BPIFB6: variants seen among roughly 807,000 people sequenced by gnomAD.
The protein encoded by BPIFB6 is BPI fold-containing family B member 6.
BPIFB6 carries 47 observed loss-of-function variants against 54.7 expected under a neutral mutation model. The observed-to-expected ratio is 0.86, with a 90% confidence interval of 0.68 to 1.10. The LOEUF is 1.10. Among genes scored for constraint, BPIFB6 ranks in the 50% least tolerant of loss-of-function variants. The pLI is 0.00. For missense variants in BPIFB6, 603 were observed against 564.1 expected (o/e 1.07, Z -0.70); for synonymous variants, 255 against 225.9 (o/e 1.13, Z -1.16).
chr20:33,039,582 A>T, intron 10 of BPIFB6, 62 bp downstream of exon 10: 1 of 1,524,730 alleles, frequency 6.6e-7, no homozygotes, highest in Non-Finnish European at 8.8e-7. Flanking sequence ...GGGCTGGAGG[A>T]TGGGATTTTT....
intron 3 of BPIFB6, 76 bp from the exon 4 acceptor site, chr20:33,034,687 T>G: frequency 6.7e-7 from 1 of 1,496,310 alleles, no homozygotes. Flanking sequence ...CTGCTCAGAT[T>G]GTGAGCAAAG....
At chr20:33,043,185 C>A in intron 13 of BPIFB6, 106 bp from the exon 14 acceptor site, 1 of 986,734 alleles carries the variant, frequency 1.0e-6, no homozygotes, top group South Asian at 1.3e-5. Context: ...TGGCAGGCAT[C>A]ATGAATCAAT....
intron 11 of BPIFB6, 126 bp from the exon 12 acceptor site, chr20:33,041,844 T>A: frequency 2.6e-6 from 2 of 777,588 alleles, no homozygotes; most frequent in Non-Finnish European, 4.3e-6. Context: ...GTCTGAAGGC[T>A]GTAGAGGGGA....
At chr20:33,034,068 G>T (rs1979218016) in intron 2 of BPIFB6, 118 bp from the exon 3 acceptor site, 2 of 753,264 alleles carry the variant, frequency 2.7e-6, no homozygotes, top group Admixed American at 1.8e-5. Flanking sequence ...TTACCCCCAT[G>T]ACATGGGATA....
intron 6 of BPIFB6, 47 bp from the exon 7 acceptor site, chr20:33,036,398 G>A: frequency 6.5e-7 from 1 of 1,536,816 alleles, no homozygotes. Flanking sequence ...TCTCTGGGCT[G>A]TTCCTGGGGT....
intron 8 of BPIFB6, 132 bp from the exon 9 acceptor site, chr20:33,038,777 G>C (rs1036872803): frequency 1.8e-5 from 16 of 873,066 alleles, no homozygotes; most frequent in Non-Finnish European, 3.1e-5. Context: ...ACAATATTTA[G>C]TTAAACTCAG....
At chr20:33,031,969 G>A (rs1979121458) in intron 1 of BPIFB6, among the ~76,000 whole-genome samples, 2 of 152,164 alleles carry the variant, frequency 1.3e-5, no homozygotes, top group African/African-American at 4.8e-5. Context: ...AGGCAGAGCT[G>A]AAAATCCTGC....
rs1290712238 is a variant in BPIFB6, at chr20:33,033,355, C to G, written c.197+272C>G. On this transcript the variant is annotated intron_variant, in intron 2 of 14. Transcript: ENST00000349552. Reference sequence around the variant, plus strand: ...GAGGTTGGAAAGTCAAATTTCAACTCTGCATGCAACATGAACTCATTGAAT... The same window carrying G: ...GAGGTTGGAAAGTCAAATTTCAACTGTGCATGCAACATGAACTCATTGAAT... The G allele has an allele frequency of 5.5e-6, 3 of 547,466 alleles. No individual in the cohort carries two copies. The Admixed American group carries it at 6.7e-5, about 12-fold the overall frequency. 33.9% of individuals were successfully genotyped at this position (547,466 alleles called of 1,614,324 possible).
intron 7 of BPIFB6, 117 bp from the exon 8 acceptor site, chr20:33,037,445 T>C: frequency 9.9e-7 from 1 of 1,008,748 alleles, no homozygotes; most frequent in Non-Finnish European, 1.4e-6. Flanking sequence ...TTAATAAGAT[T>C]TAATGATTTG....
rs1979277711 is a variant in BPIFB6 at position 33,035,066 on chromosome 20, C to G, written c.453-15C>G. ...TGCACCTGCCCACCTATCCTCGGTG[C>G]CTGTGTCCATCTAGCATGCTCCCCA... On this transcript the variant is annotated splice_polypyrimidine_tract_variant and intron_variant, in intron 4 of 14. Coordinates refer to ENST00000349552, the MANE Select transcript of BPIFB6 (RefSeq NM_174897.2). 6.2e-7 allele frequency: 1 copy of G among 1,613,708 alleles called. No individual in the cohort carries two copies. The highest frequency in any genetic ancestry group is 1.3e-5 in the African/African-American group (1 of 74,842).
At position 33,037,841 on chromosome 20, in the gene BPIFB6, C is replaced by A. The variant is rs1197962013; in HGVS notation, c.846+103C>A. Reference sequence around the variant, plus strand: ...AATTATCCTGGCCTTGTGGGCAACACTAGGACTGGAAGATGCAGGACCGAT... The same window carrying A: ...AATTATCCTGGCCTTGTGGGCAACAATAGGACTGGAAGATGCAGGACCGAT... On this transcript the variant is annotated intron_variant, in intron 8 of 14. Transcript: ENST00000349552. The A allele has an allele frequency of 3.1e-6, 4 of 1,307,302 alleles. No homozygotes were observed. The African/African-American group carries it at 4.4e-5, about 14-fold the overall frequency. 81.0% of individuals were successfully genotyped at this position (1,307,302 alleles called of 1,614,324 possible).
intron 6 of BPIFB6, among the ~76,000 whole-genome samples, chr20:33,035,990 G>A (rs955548964): frequency 1.3e-5 from 2 of 152,080 alleles, no homozygotes; most frequent in East Asian, 1.9e-4. Context: ...TGCCTGAATC[G>A]CCTTTGCTGA....
In BPIFB6 at chr20:33,041,236, G is replaced by T. The variant is rs938997887; in HGVS notation, c.1143-734G>T. ...GATTTTCTGACCTCATGATCCACCCGCCTCGGCCTCCCAAAGTGCTGGGAT... is the reference window on the plus strand; with the variant it reads ...GATTTTCTGACCTCATGATCCACCCTCCTCGGCCTCCCAAAGTGCTGGGAT... On this transcript the variant is annotated intron_variant, in intron 11 of 14. Coordinates refer to ENST00000349552, the MANE Select transcript of BPIFB6 (RefSeq NM_174897.2). Among the ~76,000 whole-genome samples, 2 of 151,994 alleles carry T rather than the reference G, an allele frequency of 1.3e-5. 1 individual carries two copies. The highest frequency in any genetic ancestry group is 3.9e-4 in the East Asian group (2 of 5,156).
intron 14 of BPIFB6, 75 bp from the exon 15 acceptor site, chr20:33,043,940 G>A: frequency 6.4e-7 from 1 of 1,556,864 alleles, no homozygotes; most frequent in Non-Finnish European, 8.9e-7. Context: ...TCCTGACAAG[G>A]GGCCCAGTTC....
chr20:33,036,378 G>A, intron 6 of BPIFB6, 67 bp from the exon 7 acceptor site: 5 of 1,361,844 alleles, frequency 3.7e-6, no homozygotes, highest in Non-Finnish European at 5.1e-6. Context: ...GCAGCTGGCT[G>A]GTGCCAGCTT....
At chr20:33,035,754 G>C (rs1478036315) in intron 6 of BPIFB6, 82 bp downstream of exon 6, 2 of 1,419,602 alleles carry the variant, frequency 1.4e-6, no homozygotes, top group African/African-American at 2.8e-5. Flanking sequence ...CCCCATCCTA[G>C]TGCCTGCTTC....
At chr20:33,040,050 T>C (rs1979511958) in intron 10 of BPIFB6, among the ~76,000 whole-genome samples, 1 of 152,148 alleles carries the variant, frequency 6.6e-6, no homozygotes, top group African/African-American at 2.4e-5. Context: ...CTGCCCTGAC[T>C]CAGGACAAGG....
intron 7 of BPIFB6, among the ~76,000 whole-genome samples, chr20:33,037,254 A>T (rs1160306737): frequency 6.6e-6 from 1 of 152,190 alleles, no homozygotes; most frequent in Non-Finnish European, 1.5e-5. Context: ...TCTTGAGAAC[A>T]AGGCAGAAAT....
At position 33,034,346 on chromosome 20, in the gene BPIFB6, T is replaced by G. The variant is rs1979238532; in HGVS notation, c.302+56T>G. 27 of 1,189,262 alleles carry G rather than the reference T, an allele frequency of 2.3e-5. No homozygotes were observed. In the African/African-American group the frequency reaches 2.5e-4, roughly 11 times the overall value. 73.7% of individuals were successfully genotyped at this position (1,189,262 alleles called of 1,614,324 possible). A position where few individuals can be genotyped will look rare whatever the true frequency, so the allele number is the denominator to read the frequency against. ...GGAGAACGGCCTTCCTGTCTCATCCTTACATGCACATATATTGAGTGCCTA... is the reference window on the plus strand; with the variant it reads ...GGAGAACGGCCTTCCTGTCTCATCCGTACATGCACATATATTGAGTGCCTA... On this transcript the variant is annotated intron_variant, in intron 3 of 14. Coordinates refer to ENST00000349552, the MANE Select transcript of BPIFB6 (RefSeq NM_174897.2).
Sources: allele counts gnomAD v4.1 joint callset (sites outside exome capture counted in the v4.1 genomes callset), GRCh38; gene constraint gnomAD v4.1.1; transcripts MANE v1.5; gene names NCBI Gene and HGNC (gene_info 2026-07-23, HGNC 2026-07-21).